BAIAP2: variants seen among roughly 807,000 people sequenced by gnomAD.
The protein encoded by BAIAP2 is BAR/IMD domain containing adaptor protein 2.
In BAIAP2, 18 loss-of-function variants were observed where a neutral mutation model predicts 63.0. The ratio of observed to expected loss-of-function variants is 0.29; its 90% confidence interval spans 0.20 to 0.42. The LOEUF (loss-of-function observed/expected upper bound fraction) is 0.42, where lower values mean the gene tolerates loss of function less well. Ranked by LOEUF, BAIAP2 falls within the 10% of genes least tolerant of loss-of-function variation. The probability of loss-of-function intolerance (pLI) is 1.00; values close to 1 mark genes in which losing one functional copy is unlikely to be tolerated. For missense variants in BAIAP2, 610 were observed against 734.3 expected (o/e 0.83, Z 1.96); for synonymous variants, 386 against 307.6 (o/e 1.25, Z -2.67).
chr17:81,064,354 G>A (rs770403564), intron 3 of BAIAP2, among the ~76,000 whole-genome samples: 8 of 152,120 alleles, frequency 5.3e-5, no homozygotes, highest in African/African-American at 9.7e-5. Context: ...TCAGGATGAC[G>A]AGGATTCGGC....
chr17:81,058,384 C>T lies in BAIAP2; in HGVS notation c.217+417C>T, dbSNP rs538192122. On this transcript the variant is annotated intron_variant, in intron 3 of 13. Transcript: ENST00000428708. Reference sequence around the variant, plus strand: ...CCCAGCAGCGTGAGTGGGTGGATTTCCTGGAGGGCAGGTTATGTTATTGAT... The same window carrying T: ...CCCAGCAGCGTGAGTGGGTGGATTTTCTGGAGGGCAGGTTATGTTATTGAT... 2.6e-5 allele frequency among the ~76,000 whole-genome samples: 4 copies of T among 152,172 alleles called. No homozygotes were observed. In the South Asian group the frequency reaches 8.3e-4, roughly 32 times the overall value.
chr17:81,067,322 G>A (rs1389720724), intron 3 of BAIAP2, among the ~76,000 whole-genome samples: 1 of 152,244 alleles, frequency 6.6e-6, no homozygotes, highest in Admixed American at 6.5e-5. Flanking sequence ...CCGCCTGTTC[G>A]CAGAGGCGCG....
intron 3 of BAIAP2, among the ~76,000 whole-genome samples, chr17:81,064,469 C>G (rs1378426991): frequency 6.6e-6 from 1 of 152,254 alleles, no homozygotes; most frequent in Non-Finnish European, 1.5e-5. Context: ...GTCCTGGCAG[C>G]ACCCCCTCAC....
At chr17:81,040,232 C>T (rs1000780249) in intron 1 of BAIAP2, among the ~76,000 whole-genome samples, 1 of 152,234 alleles carries the variant, frequency 6.6e-6, no homozygotes, top group Non-Finnish European at 1.5e-5. Context: ...TCTTTGAGGC[C>T]CCAGGATAGG....
chr17:81,048,998 C>T (rs974287861), intron 1 of BAIAP2, among the ~76,000 whole-genome samples: 2 of 152,206 alleles, frequency 1.3e-5, no homozygotes, highest in Admixed American at 6.5e-5. Flanking sequence ...ATAGGCAGGC[C>T]GGCCCAGGAC....
rs1555657837 is a variant in BAIAP2, at chr17:81,055,569, G to GTTTTTTTTTTTT, written c.130+1830_130+1831insTTTTTTTTTTTT. On this transcript the variant is annotated intron_variant, in intron 2 of 13. Transcript: ENST00000428708. ...TTCCTCCAGCGAAAGTCTGCAGGGTGTTTTGTTTTTTTTTGAGACGGAGTC... is the reference window on the plus strand; with the variant it reads ...TTCCTCCAGCGAAAGTCTGCAGGGTGTTTTTTTTTTTTTTTTGTTTTTTTTTGAGACGGAGTC... Among the ~76,000 whole-genome samples the GTTTTTTTTTTTT allele has an allele frequency of 3.4e-3, 321 of 94,098 alleles. 11 individuals carry two copies. The highest frequency in any genetic ancestry group is 5.1e-3 in the Non-Finnish European group (240 of 46,660). The allele number at this position is 94,098 out of a possible 152,430, so 61.7% of individuals were successfully genotyped here. A position where few individuals can be genotyped will look rare whatever the true frequency, so the allele number is the denominator to read the frequency against.
chr17:81,104,728 CGG>C lies in BAIAP2; in HGVS notation c.1268+17_1268+18del. ...AGAAGACCAAGATGTGAGTGTTTCT[CGG>C]GGGCGGGCTCCAGGCAGCCGCTGCC... On this transcript the variant is annotated intron_variant, in intron 10 of 13. Coordinates refer to ENST00000428708, the MANE Select transcript of BAIAP2 (RefSeq NM_001144888.2). 6.4e-7 allele frequency: 1 copy of C among 1,551,844 alleles called. No homozygotes were observed. The highest frequency in any genetic ancestry group is 8.7e-7 in the Non-Finnish European group (1 of 1,145,154).
intron 6 of BAIAP2, among the ~76,000 whole-genome samples, chr17:81,090,398 A>G (rs966442326): frequency 2.0e-5 from 3 of 151,602 alleles, no homozygotes; most frequent in Non-Finnish European, 3.0e-5. Context: ...TCCTCTGTCA[A>G]TGGGAGACGG....
At chr17:81,074,285 TGCATGCATGGATACGTGTGAGTGCCG>T (rs1238873870) in intron 3 of BAIAP2, among the ~76,000 whole-genome samples, 2 of 152,240 alleles carry the variant, frequency 1.3e-5, no homozygotes, top group African/African-American at 2.4e-5. Context: ...TGTGTCTGTG[TGCATGCATGGATACGTGTGAGTGCCG>T]GTGTGTGTGC....
intron 2 of BAIAP2, among the ~76,000 whole-genome samples, chr17:81,056,947 T>TTGCGTTTTTCTGCTG (rs1312343987): frequency 3.3e-5 from 5 of 152,380 alleles, no homozygotes; most frequent in Middle Eastern, 3.4e-3. Flanking sequence ...TTTTCTTTTG[T>TTGCGTTTTTCTGCTG]TCGAGGCAGC....
intron 6 of BAIAP2, chr17:81,098,102 CGGGGGGT>C: frequency 7.3e-7 from 1 of 1,364,806 alleles, no homozygotes; most frequent in Non-Finnish European, 9.5e-7. Context: ...GAGGGGCCAG[CGGGGGGT>C]GGGGAGGCAT....
chr17:81,085,611 T>C (rs768882029), intron 4 of BAIAP2, 43 bp from the exon 5 acceptor site: 21 of 1,522,664 alleles, frequency 1.4e-5, no homozygotes, highest in South Asian at 2.2e-5. Flanking sequence ...TCCGGGTCCA[T>C]GTGTTGGAGC....
At chr17:81,097,100 C>G (rs983038455) in intron 6 of BAIAP2, among the ~76,000 whole-genome samples, 3 of 152,246 alleles carry the variant, frequency 2.0e-5, no homozygotes, top group African/African-American at 7.2e-5. Flanking sequence ...GATCAAACTT[C>G]TCACTTCCTA....
At chr17:81,066,811 G>A (rs2144657027) in intron 3 of BAIAP2, among the ~76,000 whole-genome samples, 1 of 152,292 alleles carries the variant, frequency 6.6e-6, no homozygotes, top group East Asian at 1.9e-4. Flanking sequence ...CATGCACAGT[G>A]CACCCAGGGG....
rs1427449441 is a variant in BAIAP2, at chr17:81,035,200, C to T, written c.-55C>T. On this transcript the variant is annotated 5_prime_UTR_variant, in exon 1 of 14. Coordinates refer to ENST00000428708, the MANE Select transcript of BAIAP2 (RefSeq NM_001144888.2). ...CGTCCTGCTGCCGTTACCGCCGCTG[C>T]TGCCGCCGCTTGCGTCCCCCGCTCC... The T allele has an allele frequency of 3.8e-5, 54 of 1,405,308 alleles. 1 individual carries two copies. In the South Asian group the frequency reaches 4.5e-4, roughly 12 times the overall value. The allele number at this position is 1,405,308 out of a possible 1,614,324, so 87.1% of individuals were successfully genotyped here. A position where few individuals can be genotyped will look rare whatever the true frequency, so the allele number is the denominator to read the frequency against.
rs73367943 is a variant in BAIAP2, at chr17:81,114,227, G to C, written c.1536-1543G>C. Among the ~76,000 whole-genome samples the C allele has an allele frequency of 6.0e-3, 901 of 150,764 alleles. 10 individuals carry two copies. The highest frequency in any genetic ancestry group is 0.021 in the African/African-American group (855 of 40,898). On this transcript the variant is annotated intron_variant, in intron 13 of 13. Transcript: ENST00000428708. The stretch of plus-strand genomic sequence containing the variant: ...GGCTCAAGTGGTTCCTCCTGCTTTG[G>C]CCTCTCAGAGTGCTGGGATTCTAGG...
intron 1 of BAIAP2, among the ~76,000 whole-genome samples, chr17:81,041,752 A>G (rs2047109233): frequency 6.6e-6 from 1 of 151,956 alleles, no homozygotes; most frequent in South Asian, 2.1e-4. Context: ...TTTTATATTT[A>G]GTAGAGGTGG....
intron 3 of BAIAP2, among the ~76,000 whole-genome samples, chr17:81,068,449 C>T (rs944434434): frequency 3.9e-5 from 6 of 152,246 alleles, no homozygotes; most frequent in Non-Finnish European, 5.9e-5. Context: ...TGGTCAGTGC[C>T]ATCCGGGTCA....
chr17:81,063,090 A>T (rs2050867316), intron 3 of BAIAP2, among the ~76,000 whole-genome samples: 2 of 151,952 alleles, frequency 1.3e-5, no homozygotes, highest in Non-Finnish European at 2.9e-5. Context: ...GACCTGAGCG[A>T]GGAGGACTGC....
Sources: gnomAD v4.1 joint callset for allele counts (sites outside exome capture counted in the v4.1 genomes callset) on GRCh38, gnomAD v4.1.1 for gene constraint, MANE v1.5 for transcripts, NCBI Gene and HGNC (gene_info 2026-07-23, HGNC 2026-07-21) for gene names.